The following RAD9A variants were observed in gnomAD, a reference collection of about 807,000 sequenced individuals.
RAD9A encodes RAD9 checkpoint clamp component A.
Under a neutral mutation model 41.2 loss-of-function variants are expected in RAD9A, and 25 were observed. The ratio of observed to expected loss-of-function variants is 0.61; its 90% CI spans 0.44 to 0.85. RAD9A has a LOEUF of 0.85. Ranked by LOEUF, RAD9A falls within the 40% of genes least tolerant of loss-of-function variation. The pLI, the probability that RAD9A is intolerant of heterozygous loss-of-function variation, is 0.00. For missense variants in RAD9A, 514 were observed against 518.3 expected, an observed-to-expected ratio of 0.99 and a Z score of 0.08; for synonymous variants, 252 against 210.6, an observed-to-expected ratio of 1.20 and a Z score of -1.70.
Position 67,393,590 on chromosome 11 carries a change from T to TC in RAD9A, c.331dup (p.Gln111ProfsTer20). On this transcript the variant is annotated frameshift_variant, in exon 4 of 11. Transcript: ENST00000307980. LOFTEE classifies it high-confidence loss of function. ...AATGGCCGGAGCAGCCGCCTGGTGG[T>TC]CCAGCTGCATTGCAAGTTCGGTGAG... 6.2e-7 allele frequency: 1 copy of TC among 1,614,152 alleles called. No homozygotes were observed.
At chr11:67,397,121 G>T in intron 9 of RAD9A, 58 bp from the exon 10 acceptor site, 1 of 1,385,916 alleles carries the variant, frequency 7.2e-7, no homozygotes, top group Non-Finnish European at 1.0e-6. Context: ...GCCCTCCAAG[G>T]TGGGGCCCTG....
chr11:67,393,844 G>A (rs1590929241), intron 5 of RAD9A, 54 bp downstream of exon 5: 1 of 1,403,942 alleles, frequency 7.1e-7, no homozygotes, highest in Non-Finnish European at 9.6e-7. Context: ...TCCTTCTTTG[G>A]GGCCCCAAGG....
At chr11:67,394,282 G>A (rs888748497) in intron 5 of RAD9A, among the ~76,000 whole-genome samples, 1 of 152,230 alleles carries the variant, frequency 6.6e-6, no homozygotes, top group Admixed American at 6.5e-5. Flanking sequence ...CAAGGCCAGG[G>A]CAGGAGGCTG....
Position 67,395,906 on chromosome 11 carries a change from C to T in RAD9A, c.560-6C>T. ...GGCCCAGGTTACTCCTGTTCTTCCC[C>T]AACAGACAGCACTGCCAAAGCCATG... On this transcript the variant is annotated splice_region_variant and splice_polypyrimidine_tract_variant and intron_variant, in intron 6 of 10. Coordinates refer to ENST00000307980, the MANE Select transcript of RAD9A (RefSeq NM_004584.3). 3.1e-6 allele frequency: 5 copies of T among 1,614,028 alleles called. No homozygotes were observed. Among genetic ancestry groups the T allele is most frequent in the Non-Finnish European group, 3.4e-6 (4 of 1,179,982 alleles).
intron 3 of RAD9A, 135 bp from the exon 4 acceptor site, chr11:67,393,361 G>T (rs1862587830): frequency 1.4e-6 from 2 of 1,448,588 alleles, no homozygotes; most frequent in Admixed American, 2.5e-5. Context: ...CTAGAAGGAT[G>T]CCAGTGCCCG....
rs1158782649 is a variant in RAD9A, at chr11:67,396,248, C to T, written c.735-15C>T. The T allele has an allele frequency of 1.2e-6, 2 of 1,613,992 alleles. No homozygotes were observed. The highest frequency in any genetic ancestry group is 4.5e-5 in the East Asian group (2 of 44,882). On this transcript the variant is annotated splice_polypyrimidine_tract_variant and intron_variant, in intron 8 of 10. Transcript: ENST00000307980. The stretch of plus-strand genomic sequence containing the variant: ...TGAATGGGATGACCTAGCTTGGGCC[C>T]CCTCCCCTGCCCAGGCCCGCCATCT...
intron 5 of RAD9A, chr11:67,395,399 C>T (rs1310242806): frequency 5.6e-6 from 2 of 355,284 alleles, no homozygotes; most frequent in Non-Finnish European, 1.0e-5. Context: ...GATGTGATTT[C>T]ATCTGTATGT....
chr11:67,393,880 C>A (rs888821972), intron 5 of RAD9A, 90 bp downstream of exon 5: 48 of 1,058,758 alleles, frequency 4.5e-5, no homozygotes, highest in Non-Finnish European at 5.6e-5. Context: ...GTACCTCTTT[C>A]ATTTTCCCTA....
intron 5 of RAD9A, among the ~76,000 whole-genome samples, chr11:67,394,243 T>C (rs1291077801): frequency 6.6e-6 from 1 of 152,210 alleles, no homozygotes; most frequent in African/African-American, 2.4e-5. Flanking sequence ...GCAGCCTCTT[T>C]TCCTGACTGC....
intron 3 of RAD9A, 90 bp downstream of exon 3, chr11:67,392,872 G>A (rs1327623870): frequency 6.6e-7 from 1 of 1,511,742 alleles, no homozygotes; most frequent in Non-Finnish European, 9.1e-7. Context: ...TAGATGCTAA[G>A]TGGGGAGAGA....
intron 5 of RAD9A, among the ~76,000 whole-genome samples, chr11:67,394,574 G>A (rs972215249): frequency 2.6e-5 from 4 of 151,994 alleles, no homozygotes; most frequent in Non-Finnish European, 4.4e-5. Context: ...GAGCTCTTTT[G>A]GGTAGTGAGA....
rs150420957 is a variant in RAD9A, at chr11:67,398,151, C to G, written c.*592C>G. The stretch of plus-strand genomic sequence containing the variant: ...GGCTCTGTGCAGAAGAGCTGCCAGG[C>G]AGTGTCTTAGATGTGAGACGGAGGC... On this transcript the variant is annotated 3_prime_UTR_variant, in exon 11 of 11. Coordinates refer to ENST00000307980, the MANE Select transcript of RAD9A (RefSeq NM_004584.3). The G allele has an allele frequency of 3.6e-4, 92 of 257,446 alleles. 1 individual carries two copies. The highest frequency in any genetic ancestry group is 1.9e-3 in the African/African-American group (87 of 44,616). The allele number at this position is 257,446 out of a possible 1,614,324, so 15.9% of individuals were successfully genotyped here.
At chr11:67,392,259 T>TGGGGGGCTGGGGTGGGGGGGGGGGGG in intron 2 of RAD9A, 28 bp downstream of exon 2, 1 of 484,296 alleles carries the variant, frequency 2.1e-6, no homozygotes, top group African/African-American at 2.1e-5. Context: ...GGGGGGCGGG[T>TGGGGGGCTGGGGTGGGGGGGGGGGGG]GGGACTCCAG....
rs1210950953 is a variant in RAD9A, at chr11:67,397,845, A to G, written c.*286A>G. On this transcript the variant is annotated 3_prime_UTR_variant, in exon 11 of 11. Transcript: ENST00000307980. ...TATTTCTCATTGAGCCTCAGGCTATACTCCAGCTGGCCAAGGCTGGAAACC... is the reference window on the plus strand; with the variant it reads ...TATTTCTCATTGAGCCTCAGGCTATGCTCCAGCTGGCCAAGGCTGGAAACC... The G allele has an allele frequency of 2.5e-6, 1 of 396,378 alleles. No individual in the cohort carries two copies. 24.6% of individuals were successfully genotyped at this position (396,378 alleles called of 1,614,324 possible). A position where few individuals can be genotyped will look rare whatever the true frequency, so the allele number is the denominator to read the frequency against.
rs1862778078 is a variant in RAD9A, at chr11:67,398,207, CAA to C, written c.*649_*650del. 5.4e-6 allele frequency: 2 copies of C among 373,234 alleles called. No individual in the cohort carries two copies. Among genetic ancestry groups the C allele is most frequent in the East Asian group, 1.1e-4 (2 of 17,638 alleles). The allele number at this position is 373,234 out of a possible 1,614,324, so 23.1% of individuals were successfully genotyped here. ...CGAGAATCCAGCTTTGACCTTTATT[CAA>C]GAGACCAGATGGGTTGCCCCAGGAT... On this transcript the variant is annotated 3_prime_UTR_variant, in exon 11 of 11. Transcript: ENST00000307980.
Position 67,397,460 on chromosome 11 carries a change from C to G in RAD9A, c.1081-4C>G, listed in dbSNP as rs751553863. ...CCTCCAGAACTCACTTGTTCTCTTT[C>G]CAGTTCCGCTCACTGTTCTTCGGCT... On this transcript the variant is annotated splice_polypyrimidine_tract_variant and splice_region_variant and intron_variant, in intron 10 of 10. Coordinates refer to ENST00000307980, the MANE Select transcript of RAD9A (RefSeq NM_004584.3). 1.2e-6 allele frequency: 2 copies of G among 1,609,028 alleles called. No individual in the cohort carries two copies. The highest frequency in any genetic ancestry group is 1.7e-6 in the Non-Finnish European group (2 of 1,175,830).
rs558394384 is a variant in RAD9A at position 67,397,846 on chromosome 11, C to T, written c.*287C>T. 1.1e-3 allele frequency: 426 copies of T among 398,464 alleles called. 7 individuals carry two copies. The South Asian group carries it at 0.011, about 10-fold the overall frequency. 24.7% of individuals were successfully genotyped at this position (398,464 alleles called of 1,614,324 possible). A position where few individuals can be genotyped will look rare whatever the true frequency, so the allele number is the denominator to read the frequency against. ...ATTTCTCATTGAGCCTCAGGCTATA[C>T]TCCAGCTGGCCAAGGCTGGAAACCT... is the stretch of plus-strand genomic sequence containing the variant. On this transcript the variant is annotated 3_prime_UTR_variant, in exon 11 of 11. Transcript: ENST00000307980.
rs747387627 is a variant in RAD9A at position 67,392,755 on chromosome 11, C to T, written c.207C>T (p.Asp69=). ...QQYQAATPGQ[D]LLRCKILMKS... ...ACCAGGCAGCCACCCCTGGTCAGGA[C>T]CTGCTGCGCTGTAAGATCCTGATGA... is the stretch of plus-strand genomic sequence containing the variant. Residue 69 remains aspartate (D), a synonymous_variant, in exon 3 of 11, where the codon GAC becomes GAT. Coordinates refer to ENST00000307980, the MANE Select transcript of RAD9A (RefSeq NM_004584.3). 1.2e-6 allele frequency: 2 copies of T among 1,613,968 alleles called. No homozygotes were observed. The highest frequency in any genetic ancestry group is 1.1e-5 in the South Asian group (1 of 91,088).
chr11:67,398,177 C>A lies in RAD9A; in HGVS notation c.*618C>A. ...AGTGTCTTAGATGTGAGACGGAGGC[C>A]ATGGCGAGAATCCAGCTTTGACCTT... On this transcript the variant is annotated 3_prime_UTR_variant, in exon 11 of 11. Coordinates refer to ENST00000307980, the MANE Select transcript of RAD9A (RefSeq NM_004584.3). 1 of 301,818 alleles carries A rather than the reference C, an allele frequency of 3.3e-6. No homozygotes were observed. The highest frequency in any genetic ancestry group is 6.3e-6 in the Non-Finnish European group (1 of 159,990). 18.7% of individuals were successfully genotyped at this position (301,818 alleles called of 1,614,324 possible). A position where few individuals can be genotyped will look rare whatever the true frequency, so the allele number is the denominator to read the frequency against.
Sources: gnomAD v4.1 joint callset for allele counts (sites outside exome capture counted in the v4.1 genomes callset) on GRCh38, gnomAD v4.1.1 for gene constraint, MANE v1.5 for transcripts, NCBI Gene and HGNC (gene_info 2026-07-23, HGNC 2026-07-21) for gene names.